Variants in IGF1R observed in about 807,000 individuals in gnomAD.
IGF1R encodes insulin like growth factor 1 receptor, also known as insulin-like growth factor 1 receptor.
In IGF1R, 44 loss-of-function variants were observed where a neutral mutation model predicts 144.6. The observed-to-expected ratio is 0.30, with a 90% CI of 0.24 to 0.39. IGF1R has a LOEUF of 0.39. Ranked by LOEUF, IGF1R falls within the 10% of genes least tolerant of loss-of-function variation. The pLI is 1.00. For synonymous variants in IGF1R, 795 were observed against 722.8 expected (o/e 1.10, Z -1.60); for missense variants, 1,355 against 1,833.7 (o/e 0.74, Z 4.77).
intron 5 of IGF1R, among the ~76,000 whole-genome samples, chr15:98,906,472 T>A (rs883149): frequency 0.18 from 26,803 of 152,198 alleles, 2,462 homozygotes; most frequent in East Asian, 0.23. Flanking sequence ...AGAATGGGCT[T>A]ATGACACATC....
chr15:98,824,813 T>C (rs902967101), intron 2 of IGF1R, among the ~76,000 whole-genome samples: 1 of 152,114 alleles, frequency 6.6e-6, no homozygotes, highest in African/African-American at 2.4e-5. Flanking sequence ...TTACGCTGTT[T>C]CGTTCTTTAT....
chr15:98,871,751 A>G (rs1282320539), intron 2 of IGF1R, among the ~76,000 whole-genome samples: 1 of 152,230 alleles, frequency 6.6e-6, no homozygotes, highest in African/African-American at 2.4e-5. Context: ...ACAGCAAGGG[A>G]AAAACCCACC....
At chr15:98,909,093 C>T (rs1328974289) in intron 6 of IGF1R, among the ~76,000 whole-genome samples, 194 bp downstream of exon 6, 3 of 152,106 alleles carry the variant, frequency 2.0e-5, no homozygotes, top group Non-Finnish European at 2.9e-5. Flanking sequence ...GTGATGTATT[C>T]GTATTTATAA....
intron 2 of IGF1R, among the ~76,000 whole-genome samples, chr15:98,869,987 C>CATGG (rs59269295): frequency 0.02 from 3,107 of 152,270 alleles, 118 homozygotes; most frequent in African/African-American, 0.071. Context: ...ATATACTGAG[C>CATGG]ATGGCCCTGG....
chr15:98,890,057 G>C (rs2013830085), intron 2 of IGF1R, among the ~76,000 whole-genome samples: 1 of 152,090 alleles, frequency 6.6e-6, no homozygotes, highest in Admixed American at 6.6e-5. Flanking sequence ...CCATGGATCT[G>C]TGGTTATTAG....
chr15:98,912,738 G>GA (rs2015077752), intron 7 of IGF1R, among the ~76,000 whole-genome samples: 1 of 151,980 alleles, frequency 6.6e-6, no homozygotes, highest in Non-Finnish European at 1.5e-5. Flanking sequence ...TTTTCTTGAT[G>GA]AAAAAATGCT....
intron 7 of IGF1R, among the ~76,000 whole-genome samples, chr15:98,911,814 A>T (rs927173871): frequency 6.6e-6 from 1 of 152,094 alleles, no homozygotes; most frequent in Admixed American, 6.5e-5. Flanking sequence ...CTCCTTACCT[A>T]CTAGGCCTAC....
chr15:98,838,520 T>C (rs1173038315), intron 2 of IGF1R, among the ~76,000 whole-genome samples: 1 of 152,226 alleles, frequency 6.6e-6, no homozygotes, highest in Non-Finnish European at 1.5e-5. Flanking sequence ...TGCGCCTGTT[T>C]ACCCCAGGAA....
At chr15:98,705,471 TCTGTTTCCTCAC>T (rs1214263997) in intron 1 of IGF1R, among the ~76,000 whole-genome samples, 1 of 152,300 alleles carries the variant, frequency 6.6e-6, no homozygotes, top group African/African-American at 2.4e-5. Context: ...CTTCCCCAAA[TCTGTTTCCTCAC>T]CTTTAAAATG....
intron 2 of IGF1R, among the ~76,000 whole-genome samples, chr15:98,780,662 C>T (rs954004142): frequency 1.3e-5 from 2 of 151,188 alleles, no homozygotes; most frequent in African/African-American, 4.9e-5. Flanking sequence ...TTTATAGTTT[C>T]CTATTTACAG....
At chr15:98,681,290 T>C (rs2141214218) in intron 1 of IGF1R, among the ~76,000 whole-genome samples, 1 of 152,330 alleles carries the variant, frequency 6.6e-6, no homozygotes. Flanking sequence ...TTCGCATGTC[T>C]ACCTGGCGCA....
At chr15:98,895,555 C>G (rs1357145363) in intron 3 of IGF1R, among the ~76,000 whole-genome samples, 1 of 152,092 alleles carries the variant, frequency 6.6e-6, no homozygotes, top group Non-Finnish European at 1.5e-5. Context: ...AAGGACTCTC[C>G]CCATCTGTGG....
intron 2 of IGF1R, among the ~76,000 whole-genome samples, chr15:98,840,610 C>T (rs1255019476): frequency 2.0e-5 from 3 of 151,868 alleles, no homozygotes; most frequent in Non-Finnish European, 2.9e-5. Flanking sequence ...GCCACCACAA[C>T]TGGCTAATTA....
chr15:98,815,094 TACATG>T (rs1262626980), intron 2 of IGF1R, among the ~76,000 whole-genome samples: 2 of 152,242 alleles, frequency 1.3e-5, no homozygotes, highest in Non-Finnish European at 2.9e-5. Flanking sequence ...GTTAAGAAGA[TACATG>T]ACATAAAAAC....
rs1189040214 is a variant in IGF1R, at chr15:98,812,653, C to T, written c.641-78672C>T. On this transcript the variant is annotated intron_variant, in intron 2 of 20. Coordinates refer to ENST00000650285, the MANE Select transcript of IGF1R (RefSeq NM_000875.5). ...GATTACAGGCGTGAACCACCGTGCCCGGCCAAAAAAGCTTTTGAAAACTTC... is the reference window on the plus strand; with the variant it reads ...GATTACAGGCGTGAACCACCGTGCCTGGCCAAAAAAGCTTTTGAAAACTTC... Among the ~76,000 whole-genome samples, 23 of 152,266 alleles carry T rather than the reference C, an allele frequency of 1.5e-4. 1 individual carries two copies. The highest frequency in any genetic ancestry group is 4.1e-4 in the South Asian group (2 of 4,824).
intron 2 of IGF1R, among the ~76,000 whole-genome samples, chr15:98,853,685 T>C (rs1341849052): frequency 6.6e-6 from 1 of 152,184 alleles, no homozygotes; most frequent in African/African-American, 2.4e-5. Flanking sequence ...AATTGCTTTT[T>C]GGTTTGTAGG....
intron 2 of IGF1R, among the ~76,000 whole-genome samples, chr15:98,840,121 G>T (rs1000718877): frequency 2.0e-5 from 3 of 152,052 alleles, no homozygotes; most frequent in African/African-American, 7.2e-5. Context: ...ATTCTTTTCT[G>T]TCCTTCCCGG....
chr15:98,792,792 C>T (rs553899702), intron 2 of IGF1R, among the ~76,000 whole-genome samples: 6 of 152,266 alleles, frequency 3.9e-5, no homozygotes, highest in African/African-American at 1.4e-4. Flanking sequence ...TGTACTGATA[C>T]TCTGTGCCTA....
chr15:98,817,221 G>T (rs2141470366), intron 2 of IGF1R, among the ~76,000 whole-genome samples: 1 of 152,136 alleles, frequency 6.6e-6, no homozygotes, highest in African/African-American at 2.4e-5. Flanking sequence ...AGAATGGCTT[G>T]AACCCGGGAG....
Sources: gnomAD v4.1 joint callset for allele counts (sites outside exome capture counted in the v4.1 genomes callset) on GRCh38, gnomAD v4.1.1 for gene constraint, MANE v1.5 for transcripts, NCBI Gene and HGNC (gene_info 2026-07-23, HGNC 2026-07-21) for gene names.